Variants in RAPGEF2 observed in about 807,000 individuals in gnomAD.
RAPGEF2 encodes the protein Rap guanine nucleotide exchange factor 2.
RAPGEF2 carries 54 observed loss-of-function variants against 186.7 expected under a neutral mutation model. The ratio of observed to expected loss-of-function variants is 0.29; its 90% CI spans 0.23 to 0.36. The LOEUF (loss-of-function observed/expected upper bound fraction) is 0.36, where lower values mean the gene tolerates loss of function less well. RAPGEF2 is among the 10% of genes least tolerant of loss of function. The pLI, the probability that RAPGEF2 is intolerant of heterozygous loss-of-function variation, is 1.00. For synonymous variants in RAPGEF2, 712 were observed against 705.9 expected (o/e 1.01, Z -0.14); for missense variants, 1,532 against 2,045.0 (o/e 0.75, Z 4.84).
chr4:159,156,810 G>A (rs1003337118), intron 1 of RAPGEF2, among the ~76,000 whole-genome samples: 1 of 152,088 alleles, frequency 6.6e-6, no homozygotes, highest in Non-Finnish European at 1.5e-5. Flanking sequence ...TCCAACTAAC[G>A]ATGGATGGGA....
At position 159,270,908 on chromosome 4, in the gene RAPGEF2, C is replaced by T. The variant is rs149132126; in HGVS notation, c.543+27117C>T. Among the ~76,000 whole-genome samples, 493 of 152,176 alleles carry T rather than the reference C, an allele frequency of 3.2e-3. 4 individuals are homozygous for T. Among genetic ancestry groups the T allele is most frequent in the African/African-American group, 0.011 (473 of 41,502 alleles). On this transcript the variant is annotated intron_variant, in intron 7 of 29. Transcript: ENST00000691494. ...CATGTGGTGCTTTTCAGTTAGTCTT[C>T]GGAGGAATCTCATGGTTTTGTGAAT...
rs1028904604 is a variant in RAPGEF2 at position 159,177,913 on chromosome 4, A to G, written c.70-8729A>G. 2.6e-5 allele frequency among the ~76,000 whole-genome samples: 4 copies of G among 152,204 alleles called. No homozygotes were observed. The East Asian group carries it at 7.7e-4, about 29-fold the overall frequency. On this transcript the variant is annotated intron_variant, in intron 1 of 29. Coordinates refer to ENST00000691494, the MANE Select transcript of RAPGEF2 (RefSeq NM_001394067.2). ...CCTCTCTCTGATGGATCAACAAGGA[A>G]GAATATGTTGGCATCAGGACAGTTC...
chr4:159,325,718 A>G (rs549276325), intron 11 of RAPGEF2, among the ~76,000 whole-genome samples: 1 of 152,328 alleles, frequency 6.6e-6, no homozygotes, highest in South Asian at 2.1e-4. Flanking sequence ...TTGTTTCAGG[A>G]TAATTGATTG....
rs537828739 is a variant in RAPGEF2, at chr4:159,162,262, T to C, written c.70-24380T>C. Among the ~76,000 whole-genome samples the C allele has an allele frequency of 6.0e-4, 90 of 150,424 alleles. No homozygotes were observed. In the South Asian group the frequency reaches 6.1e-3, roughly 10 times the overall value. Reference sequence around the variant, plus strand: ...AAAAATAGCTGGATGTGGTAGCGTGTACTTGTAGTCCCAAGTAGCTGGGAC... The same window carrying C: ...AAAAATAGCTGGATGTGGTAGCGTGCACTTGTAGTCCCAAGTAGCTGGGAC... On this transcript the variant is annotated intron_variant, in intron 1 of 29. Transcript: ENST00000691494.
At position 159,352,886 on chromosome 4, in the gene RAPGEF2, T is replaced by C; in HGVS notation, c.4067T>C (p.Ile1356Thr). 1.2e-6 allele frequency: 2 copies of C among 1,614,192 alleles called. No individual in the cohort carries two copies. The highest frequency in any genetic ancestry group is 1.7e-6 in the Non-Finnish European group (2 of 1,180,016). The change falls in exon 27 of 30, where the codon ATT becomes ACT. Residue 1356 changes from isoleucine (I) to threonine (T), a missense_variant. This residue lies in a region of RAPGEF2 where 594 missense variants were observed against 608.5 expected (regional missense o/e 0.98). Coordinates refer to ENST00000691494, the MANE Select transcript of RAPGEF2 (RefSeq NM_001394067.2). ...GMGRMERRTMIEPDQYSLGSY... is the reference protein window; with the variant it reads ...GMGRMERRTMTEPDQYSLGSY... ...GGCAGGATGGAGAGGCGGACCATGA[T>C]TGAACCTGATCAGTATAGCTTGGGG... is the stretch of plus-strand genomic sequence containing the variant.
At position 159,204,305 on chromosome 4, in the gene RAPGEF2, A is replaced by G. The variant is rs1749745474; in HGVS notation, c.198-6195A>G. Among the ~76,000 whole-genome samples the G allele has an allele frequency of 3.9e-5, 6 of 152,320 alleles. No individual in the cohort carries two copies. In the South Asian group the frequency reaches 1.2e-3, roughly 32 times the overall value. On this transcript the variant is annotated intron_variant, in intron 3 of 29. Transcript: ENST00000691494. ...AGTAGTAGTTTTTGAGCCATCTCTT[A>G]AGGTACAGTGGGATGTAGAGGGTAG...
chr4:159,254,123 T>C (rs1755841748), intron 7 of RAPGEF2, among the ~76,000 whole-genome samples: 1 of 152,216 alleles, frequency 6.6e-6, no homozygotes. Context: ...AGATATAATG[T>C]AATTAATTAT....
chr4:159,131,519 ATTTT>A (rs35670450), intron 1 of RAPGEF2, among the ~76,000 whole-genome samples: 8 of 37,210 alleles, frequency 2.1e-4, no homozygotes, highest in South Asian at 1.8e-3. Context: ...ATTAATTGCT[ATTTT>A]TTTTTTTTTT....
chr4:159,141,341 C>T (rs764342025), intron 1 of RAPGEF2, among the ~76,000 whole-genome samples: 2 of 152,116 alleles, frequency 1.3e-5, no homozygotes, highest in Non-Finnish European at 1.5e-5. Context: ...AATATTTCCA[C>T]GAGATGATTC....
At chr4:159,150,420 T>A (rs1346399185) in intron 1 of RAPGEF2, among the ~76,000 whole-genome samples, 1 of 152,144 alleles carries the variant, frequency 6.6e-6, no homozygotes. Flanking sequence ...TTGAACGAAG[T>A]GTATCGAACA....
chr4:159,289,916 G>A (rs1282809483), intron 7 of RAPGEF2, among the ~76,000 whole-genome samples: 1 of 152,166 alleles, frequency 6.6e-6, no homozygotes, highest in Non-Finnish European at 1.5e-5. Context: ...ATTTAGTACA[G>A]AGGCTGAGGG....
chr4:159,253,027 A>G (rs1189647819), intron 7 of RAPGEF2, among the ~76,000 whole-genome samples: 3 of 152,264 alleles, frequency 2.0e-5, no homozygotes, highest in African/African-American at 4.8e-5. Flanking sequence ...TATTGGTCTA[A>G]TAGACAGTTG....
At position 159,103,720 on chromosome 4, in the gene RAPGEF2, G is replaced by A; in HGVS notation, c.-443G>A. On this transcript the variant is annotated 5_prime_UTR_variant, in exon 1 of 30. Coordinates refer to ENST00000691494, the MANE Select transcript of RAPGEF2 (RefSeq NM_001394067.2). ...TCAGCGCCGTGGGGGAGGAGGCTCCGCCTGCCCACAGCCCTCCCCACTGCC... is the reference window on the plus strand; with the variant it reads ...TCAGCGCCGTGGGGGAGGAGGCTCCACCTGCCCACAGCCCTCCCCACTGCC... 1 of 152,770 alleles carries A rather than the reference G, an allele frequency of 6.5e-6. No homozygotes were observed. The highest frequency in any genetic ancestry group is 1.5e-5 in the Non-Finnish European group (1 of 68,458). 9.5% of individuals were successfully genotyped at this position (152,770 alleles called of 1,614,324 possible).
chr4:159,286,506 A>G (rs1187281243), intron 7 of RAPGEF2, among the ~76,000 whole-genome samples: 1 of 152,154 alleles, frequency 6.6e-6, no homozygotes, highest in Non-Finnish European at 1.5e-5. Flanking sequence ...TATTTCTGTG[A>G]TTTTAAAACT....
At position 159,231,719 on chromosome 4, in the gene RAPGEF2, T is replaced by C. The variant is rs555471510; in HGVS notation, c.282-7090T>C. Reference sequence around the variant, plus strand: ...ACATGGTGCTCAAAGGAAATGCTCATTGGAGCATTTTGGATTTCATATTTC... The same window carrying C: ...ACATGGTGCTCAAAGGAAATGCTCACTGGAGCATTTTGGATTTCATATTTC... On this transcript the variant is annotated intron_variant, in intron 4 of 29. Coordinates refer to ENST00000691494, the MANE Select transcript of RAPGEF2 (RefSeq NM_001394067.2). Among the ~76,000 whole-genome samples, 11 of 152,254 alleles carry C rather than the reference T, an allele frequency of 7.2e-5. No individual in the cohort carries two copies. In the East Asian group the frequency reaches 1.9e-3, roughly 27 times the overall value.
At chr4:159,274,630 G>A (rs888083814) in intron 7 of RAPGEF2, among the ~76,000 whole-genome samples, 1 of 152,010 alleles carries the variant, frequency 6.6e-6, no homozygotes. Context: ...TTAACGAGTG[G>A]TCTTTATCTT....
In RAPGEF2 at chr4:159,354,040, C is replaced by G. The variant is rs375164013; in HGVS notation, c.4645C>G (p.Leu1549Val). 1.1e-5 allele frequency: 17 copies of G among 1,562,950 alleles called. No individual in the cohort carries two copies. The Admixed American group carries it at 2.2e-4, about 20-fold the overall frequency. ...IAVASSTTKG[L>V]IARKEGRYRE... is the part of the protein sequence containing the mutation. ...TGTGGCATCAAGTACTACAAAGGGG[C>G]TCATTGGTAAGTTTTAAAATTGGGG... The change falls in exon 28 of 30, where the codon CTC (leucine) becomes GTC (valine). Residue 1549 changes from leucine (L) to valine (V), a missense_variant. By Grantham distance (32) the Leu-to-Val change is conservative. This residue lies in a region of RAPGEF2 where 594 missense variants were observed against 608.5 expected (regional missense o/e 0.98). Transcript: ENST00000691494.
chr4:159,276,662 C>A (rs983629466), intron 7 of RAPGEF2, among the ~76,000 whole-genome samples: 4 of 152,062 alleles, frequency 2.6e-5, no homozygotes, highest in African/African-American at 9.7e-5. Flanking sequence ...ATATAGTGAA[C>A]CTTTTATCAC....
intron 1 of RAPGEF2, among the ~76,000 whole-genome samples, chr4:159,156,014 A>C (rs570176357): frequency 6.6e-6 from 1 of 152,340 alleles, no homozygotes; most frequent in Non-Finnish European, 1.5e-5. Flanking sequence ...TATAAAAGTT[A>C]CTGTAAAACT....
Sources: gnomAD v4.1 joint callset for allele counts (sites outside exome capture counted in the v4.1 genomes callset) on GRCh38, gnomAD v4.1.1 for gene constraint, gnomAD v4.1.1 regional missense constraint, MANE v1.5 for transcripts, NCBI Gene and HGNC (gene_info 2026-07-23, HGNC 2026-07-21) for gene names.